Variants in ABLIM2 observed in about 807,000 individuals in gnomAD.
ABLIM2 encodes actin binding LIM protein family member 2.
A neutral mutation model predicts 97.7 loss-of-function variants in ABLIM2; 53 were observed. The observed-to-expected ratio is 0.54, with a 90% CI of 0.44 to 0.68. The LOEUF is 0.68. ABLIM2 is among the 30% of genes least tolerant of loss of function. The probability of loss-of-function intolerance (pLI) is 0.00; values close to 1 mark genes in which losing one functional copy is unlikely to be tolerated. For synonymous variants in ABLIM2, 361 were observed against 345.8 expected, an observed-to-expected ratio of 1.04 and a Z score of -0.49; for missense variants, 835 against 867.2, an observed-to-expected ratio of 0.96 and a Z score of 0.47.
At chr4:7,990,639 A>G (rs1747953772) in intron 17 of ABLIM2, among the ~76,000 whole-genome samples, 1 of 152,162 alleles carries the variant, frequency 6.6e-6, no homozygotes, top group African/African-American at 2.4e-5. Context: ...AAGTAAAGGC[A>G]AATCAAGAAA....
intron 1 of ABLIM2, among the ~76,000 whole-genome samples, chr4:8,119,098 C>T (rs1186438414): frequency 1.3e-5 from 2 of 152,058 alleles, no homozygotes; most frequent in Non-Finnish European, 2.9e-5. Context: ...TGTGCTGGGC[C>T]TGGGGAACAA....
At chr4:8,041,601 T>A (rs1474287593) in intron 9 of ABLIM2, among the ~76,000 whole-genome samples, 13 of 137,588 alleles carry the variant, frequency 9.4e-5, no homozygotes, top group Admixed American at 2.2e-4. Flanking sequence ...CCAGTTTGTT[T>A]AAAAAAAAAA....
chr4:8,034,286 G>A (rs1314404380), intron 10 of ABLIM2, among the ~76,000 whole-genome samples: 2 of 150,262 alleles, frequency 1.3e-5, no homozygotes, highest in East Asian at 2.0e-4. Context: ...GGTGAGTGCA[G>A]GTAGATGGGT....
chr4:8,084,470 C>T (rs945689400), intron 4 of ABLIM2, among the ~76,000 whole-genome samples: 1 of 152,218 alleles, frequency 6.6e-6, no homozygotes, highest in Admixed American at 6.5e-5. Flanking sequence ...CTTAGCACTA[C>T]CCTTGCAGGA....
chr4:8,051,990 C>A (rs1209500363), intron 8 of ABLIM2, among the ~76,000 whole-genome samples: 1 of 152,220 alleles, frequency 6.6e-6, no homozygotes, highest in Non-Finnish European at 1.5e-5. Flanking sequence ...CCTGTCTTGG[C>A]TTTGGAGCCC....
At chr4:8,034,503 AGGTAGGTGGGTGCAGGTGG>A (rs1560805826) in intron 10 of ABLIM2, among the ~76,000 whole-genome samples, 13 of 20,692 alleles carry the variant, frequency 6.3e-4, no homozygotes, top group Non-Finnish European at 1.1e-3. Flanking sequence ...GGTGGGTGGT[AGGTAGGTGGGTGCAGGTGG>A]GTGGGTGGTA....
intron 1 of ABLIM2, among the ~76,000 whole-genome samples, chr4:8,139,267 G>A (rs1048136471): frequency 1.3e-5 from 2 of 151,168 alleles, no homozygotes; most frequent in African/African-American, 4.9e-5. Context: ...GGAAGGGAAG[G>A]GAAGGGAAGG....
At chr4:7,967,759 G>T (rs1228514916) in intron 20 of ABLIM2, among the ~76,000 whole-genome samples, 5 of 152,224 alleles carry the variant, frequency 3.3e-5, no homozygotes, top group African/African-American at 1.2e-4. Context: ...ATAGGAGTGA[G>T]TTAGACCCTG....
At chr4:8,060,011 C>T (rs560307332) in intron 7 of ABLIM2, among the ~76,000 whole-genome samples, 11 of 152,052 alleles carry the variant, frequency 7.2e-5, no homozygotes, top group South Asian at 2.1e-4. Context: ...ACCCTTTGCA[C>T]GTACACAAGG....
chr4:8,090,715 A>ATT (rs776127696), intron 3 of ABLIM2, among the ~76,000 whole-genome samples: 1 of 144,522 alleles, frequency 6.9e-6, no homozygotes. Context: ...CTTTTTTTTT[A>ATT]TTTTTATTTT....
In ABLIM2 at chr4:8,124,827, C is replaced by T. The variant is rs139351565; in HGVS notation, c.11-18190G>A. 9.5e-4 allele frequency among the ~76,000 whole-genome samples: 144 copies of T among 152,304 alleles called. No homozygotes were observed. The highest frequency in any genetic ancestry group is 2.4e-3 in the Admixed American group (36 of 15,308). ...ACTCTGTGTGCCACCTTTCAAGGAA[C>T]AGTCAGACTATTTTCCACACCGGGT... On this transcript the variant is annotated intron_variant, in intron 1 of 20. Transcript: ENST00000447017. This position sits in a 1 kb window ranked among gnomAD's most constrained non-coding sequence, Gnocchi z 6.1.
chr4:7,973,330 G>A (rs542429217), intron 20 of ABLIM2, among the ~76,000 whole-genome samples: 14 of 151,198 alleles, frequency 9.3e-5, no homozygotes, highest in African/African-American at 3.2e-4. Context: ...GCAAAACCCC[G>A]TCTCTACTAA....
At chr4:8,141,583 T>C (rs1850994369) in intron 1 of ABLIM2, among the ~76,000 whole-genome samples, 1 of 152,242 alleles carries the variant, frequency 6.6e-6, no homozygotes, top group Non-Finnish European at 1.5e-5. Flanking sequence ...AGTATCGCTA[T>C]GTTGCCTAGG....
intron 3 of ABLIM2, among the ~76,000 whole-genome samples, chr4:8,094,984 CTCTT>C (rs200543335): frequency 8.2e-5 from 10 of 122,238 alleles, no homozygotes; most frequent in Non-Finnish European, 1.5e-4. Flanking sequence ...CCCTTTCTTT[CTCTT>C]TCTTTTCCTT....
At position 8,065,779 on chromosome 4, in the gene ABLIM2, C is replaced by G. The variant is rs113103240; in HGVS notation, c.676-4725G>C. ...TCTCTACTAAAAATACAAAAATTAG[C>G]TAGGCTTGGTGGCGGGTGCCTGTAA... On this transcript the variant is annotated intron_variant, in intron 6 of 20. Coordinates refer to ENST00000447017, the MANE Select transcript of ABLIM2 (RefSeq NM_001130083.2). Among the ~76,000 whole-genome samples, 3 of 151,868 alleles carry G rather than the reference C, an allele frequency of 2.0e-5. No individual in the cohort carries two copies. In the East Asian group the frequency reaches 5.8e-4, roughly 30 times the overall value.
At chr4:7,980,952 T>TTTTTTTTTTTTTTTTTTTTTTTG in intron 20 of ABLIM2, among the ~76,000 whole-genome samples, 1 of 129,986 alleles carries the variant, frequency 7.7e-6, no homozygotes, top group Non-Finnish European at 1.6e-5. Context: ...TTTTTTTTTT[T>TTTTTTTTTTTTTTTTTTTTTTTG]TTTTTTTTTG....
At chr4:7,972,327 G>A (rs1459226281) in intron 20 of ABLIM2, among the ~76,000 whole-genome samples, 1 of 152,182 alleles carries the variant, frequency 6.6e-6, no homozygotes, top group Non-Finnish European at 1.5e-5. Context: ...ACCATGCAGT[G>A]CTCCCTCTCC....
At chr4:8,098,297 C>T (rs1832732525) in intron 2 of ABLIM2, among the ~76,000 whole-genome samples, 1 of 152,218 alleles carries the variant, frequency 6.6e-6, no homozygotes, top group East Asian at 1.9e-4. Context: ...TTTGAGAAAC[C>T]ATGTAGCCCT....
chr4:7,967,407 A>T (rs1025067017), intron 20 of ABLIM2, among the ~76,000 whole-genome samples: 27 of 152,202 alleles, frequency 1.8e-4, no homozygotes, highest in African/African-American at 6.3e-4. Context: ...CATGTCCCAG[A>T]GCAGGACCCC....
Sources: allele counts gnomAD v4.1 joint callset (sites outside exome capture counted in the v4.1 genomes callset), GRCh38; gene constraint gnomAD v4.1.1; non-coding constraint Gnocchi (gnomAD v3.1); transcripts MANE v1.5; gene names NCBI Gene and HGNC (gene_info 2026-07-23, HGNC 2026-07-21).